GOLGA3: variants seen among roughly 807,000 people sequenced by gnomAD.
The protein encoded by GOLGA3 is golgin subfamily A member 3.
GOLGA3 carries 75 observed loss-of-function variants against 169.4 expected under a neutral mutation model. That is an observed-to-expected ratio of 0.44 (90% CI 0.37 to 0.54). The LOEUF (loss-of-function observed/expected upper bound fraction) is 0.54, where lower values mean the gene tolerates loss of function less well. Ranked by LOEUF, GOLGA3 falls within the 20% of genes least tolerant of loss-of-function variation. The pLI, the probability that GOLGA3 is intolerant of heterozygous loss-of-function variation, is 0.00. For synonymous variants in GOLGA3, 824 were observed against 822.4 expected (o/e 1.00, Z -0.03); for missense variants, 1,899 against 1,930.0 (o/e 0.98, Z 0.30).
chr12:132,801,270 C>T lies in GOLGA3; in HGVS notation c.1800+497G>A, dbSNP rs966148361. 4.6e-5 allele frequency among the ~76,000 whole-genome samples: 7 copies of T among 152,180 alleles called. No individual in the cohort carries two copies. In the South Asian group the frequency reaches 1.0e-3, roughly 22 times the overall value. ...AGGCCTGCTGGGAAGACGTGGTCCCCGTGTATCACTGAGGGCTCAGGCAGC... is the reference window on the plus strand; with the variant it reads ...AGGCCTGCTGGGAAGACGTGGTCCCTGTGTATCACTGAGGGCTCAGGCAGC... On this transcript the variant is annotated intron_variant, in intron 8 of 23. Transcript: ENST00000450791.
rs1950413297 is a variant in GOLGA3, at chr12:132,826,271, GCAGCAT to G, written c.-184+2526_-184+2531del. 34 of 1,120,938 alleles carry G rather than the reference GCAGCAT, an allele frequency of 3.0e-5. 1 individual carries two copies. The South Asian group carries it at 5.6e-4, about 19-fold the overall frequency. The allele number at this position is 1,120,938 out of a possible 1,614,324, so 69.4% of individuals were successfully genotyped here. A position where few individuals can be genotyped will look rare whatever the true frequency, so the allele number is the denominator to read the frequency against. ...AAAAAAAAAAAAAGAAACTGGAAGAGCAGCATCACGGCCACGGCCCAGACAGGCACC... is the reference window on the plus strand; with the variant it reads ...AAAAAAAAAAAAAGAAACTGGAAGAGCACGGCCACGGCCCAGACAGGCACC... On this transcript the variant is annotated intron_variant, in intron 1 of 23. Coordinates refer to ENST00000450791, the MANE Select transcript of GOLGA3 (RefSeq NM_001389683.1).
intron 9 of GOLGA3, among the ~76,000 whole-genome samples, chr12:132,796,914 C>T (rs1211247814): frequency 6.6e-6 from 1 of 152,196 alleles, no homozygotes; most frequent in Non-Finnish European, 1.5e-5. Flanking sequence ...AGGCCAGCAA[C>T]CCCGTGAGAA....
chr12:132,814,402 C>T (rs980641609), intron 3 of GOLGA3, among the ~76,000 whole-genome samples: 1 of 152,218 alleles, frequency 6.6e-6, no homozygotes, highest in African/African-American at 2.4e-5. Flanking sequence ...GCTCAGCTCT[C>T]ACCACGCTGC....
rs370167726 is a variant in GOLGA3, at chr12:132,780,794, G to A, written c.3582+4C>T. The A allele has an allele frequency of 1.3e-4, 201 of 1,576,740 alleles. No individual in the cohort carries two copies. Among genetic ancestry groups the A allele is most frequent in the South Asian group, 7.5e-4 (68 of 90,304 alleles). ...CGCCCTGTGAGACGGAAGGTGGCAC[G>A]CACCTGCTCCTTGAGGCTGTTCACC... On this transcript the variant is annotated splice_donor_region_variant and intron_variant, in intron 18 of 23. Transcript: ENST00000450791.
intron 3 of GOLGA3, among the ~76,000 whole-genome samples, chr12:132,816,301 C>T (rs964814960): frequency 1.3e-5 from 2 of 152,242 alleles, no homozygotes. Flanking sequence ...TGGCCTTTAA[C>T]GCAAAAGCGT....
Position 132,804,858 on chromosome 12 carries a change from A to G in GOLGA3, c.1455T>C (p.Thr485=), listed in dbSNP as rs2136567400. The change falls in exon 7 of 24, where the codon ACT becomes ACC. Residue 485 remains threonine (T), a synonymous_variant. Transcript: ENST00000450791. The surrounding 1 kb of genome is among the most constrained non-coding windows in gnomAD (Gnocchi z 4.1). ...QSCWDLERAM[T]DLQNMLEAKN... is the part of the protein sequence containing the mutation. ...TTGCCTCCAGCATGTTCTGCAGGTC[A>G]GTCATGGCTCGCTCCAGGTCCCAGC... is the stretch of plus-strand genomic sequence containing the variant. The G allele has an allele frequency of 6.2e-7, 1 of 1,614,140 alleles. No individual in the cohort carries two copies. The highest frequency in any genetic ancestry group is 8.5e-7 in the Non-Finnish European group (1 of 1,180,018).
intron 23 of GOLGA3, among the ~76,000 whole-genome samples, chr12:132,773,689 C>T (rs531330703): frequency 1.3e-5 from 2 of 152,362 alleles, no homozygotes; most frequent in African/African-American, 2.4e-5. Flanking sequence ...CAGTTTCCAC[C>T]TATGAGTTCA....
chr12:132,808,886 CCT>C (rs1352833752), intron 4 of GOLGA3, among the ~76,000 whole-genome samples: 16 of 152,270 alleles, frequency 1.1e-4, no homozygotes, highest in South Asian at 4.1e-4. Context: ...TGGGTCTCCC[CCT>C]GTGTGCGGCG....
intron 15 of GOLGA3, among the ~76,000 whole-genome samples, chr12:132,785,916 T>C (rs1461585663): frequency 6.6e-6 from 1 of 152,072 alleles, no homozygotes; most frequent in African/African-American, 2.4e-5. Flanking sequence ...CTCTAAACGC[T>C]CCCTGAACCC....
intron 13 of GOLGA3, 65 bp from the exon 14 acceptor site, chr12:132,786,852 C>A: frequency 8.8e-7 from 1 of 1,142,564 alleles, no homozygotes; most frequent in Non-Finnish European, 1.3e-6. Context: ...CCCTTCCTGG[C>A]TCCAGCCCAT....
At chr12:132,824,835 C>A (rs1166157484) in intron 1 of GOLGA3, among the ~76,000 whole-genome samples, 2 of 152,146 alleles carry the variant, frequency 1.3e-5, no homozygotes, top group African/African-American at 2.4e-5. Flanking sequence ...CCAGGAAAAA[C>A]ACTGCGATCT....
At chr12:132,787,029 C>T (rs1233662423) in intron 13 of GOLGA3, among the ~76,000 whole-genome samples, 2 of 152,024 alleles carry the variant, frequency 1.3e-5, no homozygotes, top group African/African-American at 2.4e-5. Context: ...TCTCAGCTCA[C>T]TGCAACCTCC....
Position 132,789,017 on chromosome 12 carries a change from A to C in GOLGA3, c.2811+10T>G. On this transcript the variant is annotated intron_variant, in intron 13 of 23. Coordinates refer to ENST00000450791, the MANE Select transcript of GOLGA3 (RefSeq NM_001389683.1). ...TCCCCATCAAATGAGTCAACCCGAC[A>C]CGGACAGACCTGCAAGTGTGTTTCC... The C allele has an allele frequency of 6.6e-7, 1 of 1,516,854 alleles. No homozygotes were observed. The highest frequency in any genetic ancestry group is 8.9e-7 in the Non-Finnish European group (1 of 1,127,054). 94.0% of individuals were successfully genotyped at this position (1,516,854 alleles called of 1,614,324 possible).
At chr12:132,796,399 A>G (rs1182658860) in intron 10 of GOLGA3, 140 bp downstream of exon 10, 3 of 1,168,148 alleles carry the variant, frequency 2.6e-6, no homozygotes, top group African/African-American at 3.1e-5. Context: ...CAGCAGCAGC[A>G]GCGTCTGACC....
rs1248619179 is a variant in GOLGA3, at chr12:132,804,711, C to A, written c.1597+5G>T. 3 of 1,607,084 alleles carry A rather than the reference C, an allele frequency of 1.9e-6. No homozygotes were observed. In the South Asian group the frequency reaches 3.3e-5, roughly 18 times the overall value. On this transcript the variant is annotated splice_donor_5th_base_variant and intron_variant, in intron 7 of 23. Transcript: ENST00000450791. The surrounding 1 kb of genome is among the most constrained non-coding windows in gnomAD (Gnocchi z 4.1). ...AGGGGAGGGCGTGGCCAGGGCCAGC[C>A]TCACCTGTGTTGTCCTTGCTGAGCA...
chr12:132,786,634 C>T (rs545705733), intron 14 of GOLGA3, 59 bp downstream of exon 14: 156 of 1,067,982 alleles, frequency 1.5e-4, no homozygotes, highest in African/African-American at 6.6e-4. Flanking sequence ...TCGCCTCCCC[C>T]CCGGCCCCCG....
rs2045901995 is a variant in GOLGA3, at chr12:132,786,412, T to C, written c.3050A>G (p.Lys1017Arg). The C allele has an allele frequency of 3.1e-6, 5 of 1,613,010 alleles. No homozygotes were observed. The highest frequency in any genetic ancestry group is 4.2e-6 in the Non-Finnish European group (5 of 1,179,734). The change falls in exon 15 of 24, where the codon AAG becomes AGG. Residue 1017 changes from lysine to arginine, a missense_variant. Transcript: ENST00000450791. ...GCCCAGCTCCGCGTCCGCAGCCTCC[T>C]TGGCCGCGAGGGCCTCCTGCAGGCG... The part of the protein sequence containing the change: ...SRRLQEALAA[K>R]EAADAELGQL...
chr12:132,807,834 CCT>C (rs1342593190), intron 5 of GOLGA3, 55 bp downstream of exon 5: 30 of 584,444 alleles, frequency 5.1e-5, no homozygotes, highest in African/African-American at 2.0e-4. Flanking sequence ...CCCACACCCC[CCT>C]CTGTTGGCCC....
rs1272732443 is a variant in GOLGA3, at chr12:132,796,691, A to G, written c.1948T>C (p.Leu650=). Residue 650 remains leucine (L), a synonymous_variant, in exon 10 of 24, where the codon TTG becomes CTG. Coordinates refer to ENST00000450791, the MANE Select transcript of GOLGA3 (RefSeq NM_001389683.1). ...AQLQGIEADM[L]DQEAAFMQIQ... ...TGCATGAAGGCTGCTTCCTGATCCAACATGTCAGCCTGAGCCCAGGAAACT... is the reference window on the plus strand; with the variant it reads ...TGCATGAAGGCTGCTTCCTGATCCAGCATGTCAGCCTGAGCCCAGGAAACT... 6.2e-7 allele frequency: 1 copy of G among 1,613,752 alleles called. No homozygotes were observed. The highest frequency in any genetic ancestry group is 2.2e-5 in the East Asian group (1 of 44,886).
Sources: gnomAD v4.1 joint callset for allele counts (sites outside exome capture counted in the v4.1 genomes callset) on GRCh38, gnomAD v4.1.1 for gene constraint, Gnocchi (gnomAD v3.1) non-coding constraint, MANE v1.5 for transcripts, NCBI Gene and HGNC (gene_info 2026-07-23, HGNC 2026-07-21) for gene names.